FAT3: variants seen among roughly 807,000 people sequenced by gnomAD.
The protein encoded by FAT3 is FAT atypical cadherin 3.
FAT3 carries 95 observed loss-of-function variants against 310.2 expected under a neutral mutation model. The observed-to-expected ratio is 0.31, with a 90% CI of 0.26 to 0.36. The LOEUF (loss-of-function observed/expected upper bound fraction) is 0.36. Ranked by LOEUF, FAT3 falls within the 10% of genes least tolerant of loss-of-function variation. The pLI is 1.00. For missense variants in FAT3, 5,408 were observed against 5,715.6 expected (o/e 0.95, Z 1.74); for synonymous variants, 2,314 against 2,192.9 (o/e 1.06, Z -1.54).
chr11:92,422,299 C>G (rs1268842271), intron 2 of FAT3, among the ~76,000 whole-genome samples: 3 of 152,106 alleles, frequency 2.0e-5, no homozygotes, highest in African/African-American at 7.2e-5. Flanking sequence ...CTACTAGCCC[C>G]TGGATGTTTT....
At chr11:92,253,345 C>T (rs1260861107) in intron 1 of FAT3, among the ~76,000 whole-genome samples, 2 of 151,996 alleles carry the variant, frequency 1.3e-5, no homozygotes, top group African/African-American at 2.4e-5. Flanking sequence ...TTCCACTCTT[C>T]CATCTCTGGG....
intron 1 of FAT3, among the ~76,000 whole-genome samples, chr11:92,303,645 A>C (rs767121051): frequency 5.3e-4 from 80 of 152,174 alleles, no homozygotes; most frequent in Non-Finnish European, 9.3e-4. Flanking sequence ...ACTTAAGAGC[A>C]ATAAATGTAT....
intron 5 of FAT3, among the ~76,000 whole-genome samples, chr11:92,762,454 TA>T (rs1266364312): frequency 1.3e-5 from 2 of 152,166 alleles, no homozygotes; most frequent in Non-Finnish European, 2.9e-5. Flanking sequence ...TCTGCAGCCC[TA>T]AATCATCCTC....
chr11:92,278,046 C>T (rs1309002986), intron 1 of FAT3, among the ~76,000 whole-genome samples: 1 of 152,082 alleles, frequency 6.6e-6, no homozygotes, highest in Admixed American at 6.6e-5. Context: ...CACCACTGCA[C>T]TCCAGCCTGG....
At position 92,799,987 on chromosome 11, in the gene FAT3, A is replaced by T. The variant is rs1185902667; in HGVS notation, c.6974A>T (p.Gln2325Leu). Residue 2325 changes from glutamine (Q) to leucine (L), a missense_variant, in exon 10 of 28, where the codon CAG becomes CTG. By Grantham distance (113) the Gln-to-Leu change is moderately radical (BLOSUM62 -2). Coordinates refer to ENST00000525166, the MANE Select transcript of FAT3 (RefSeq NM_001367949.2). ...GAAAACAATAAAATGGTACATTATC[A>T]GATTGTCCAGGATACCTACAATAGC... Reference protein sequence around the residue: ...DSENNKMVHYQIVQDTYNSTD... With the variant: ...DSENNKMVHYLIVQDTYNSTD... 1 of 1,613,676 alleles carries T rather than the reference A, an allele frequency of 6.2e-7. No homozygotes were observed. The highest frequency in any genetic ancestry group is 2.2e-5 in the East Asian group (1 of 44,854).
intron 2 of FAT3, among the ~76,000 whole-genome samples, chr11:92,364,609 A>G (rs1670891074): frequency 6.6e-6 from 1 of 152,264 alleles, no homozygotes; most frequent in South Asian, 2.1e-4. Context: ...TGAAAATTAA[A>G]ATGGGCTGTA....
At chr11:92,502,318 GGACAGTGATA>G (rs1162413735) in intron 2 of FAT3, among the ~76,000 whole-genome samples, 1 of 152,030 alleles carries the variant, frequency 6.6e-6, no homozygotes, top group Non-Finnish European at 1.5e-5. Flanking sequence ...CAGTCTCTGA[GGACAGTGATA>G]GACAAGTGTG....
intron 7 of FAT3, among the ~76,000 whole-genome samples, chr11:92,776,362 C>G (rs1410184359): frequency 6.6e-6 from 1 of 152,150 alleles, no homozygotes; most frequent in Admixed American, 6.5e-5. Context: ...CAAAAATTAT[C>G]AATGATACTT....
At chr11:92,604,763 C>A (rs1940194934) in intron 3 of FAT3, among the ~76,000 whole-genome samples, 1 of 152,222 alleles carries the variant, frequency 6.6e-6, no homozygotes, top group Non-Finnish European at 1.5e-5. Flanking sequence ...CCCTTCCTGG[C>A]ATGGCACAGC....
chr11:92,787,125 C>G (rs1339834125), intron 7 of FAT3, among the ~76,000 whole-genome samples: 1 of 152,070 alleles, frequency 6.6e-6, no homozygotes, highest in African/African-American at 2.4e-5. Context: ...TAAATGTCCC[C>G]CGGAAGACAA....
intron 3 of FAT3, among the ~76,000 whole-genome samples, chr11:92,629,411 CTT>C (rs34017336): frequency 0.45 from 56,094 of 125,432 alleles, 8,399 homozygotes; most frequent in African/African-American, 0.59. Flanking sequence ...CTTCCCCTAC[CTT>C]TTTTTTTTTT....
chr11:92,645,440 T>TC (rs2135740342), intron 3 of FAT3, among the ~76,000 whole-genome samples: 1 of 151,818 alleles, frequency 6.6e-6, no homozygotes, highest in East Asian at 1.9e-4. Flanking sequence ...CCCCCTTTTT[T>TC]CCTAATAAAA....
chr11:92,386,021 G>A (rs1949610861), intron 2 of FAT3, among the ~76,000 whole-genome samples: 1 of 151,914 alleles, frequency 6.6e-6, no homozygotes, highest in Non-Finnish European at 1.5e-5. Context: ...GGTGGTATGT[G>A]CCTGTAGTCC....
intron 7 of FAT3, 95 bp from the exon 8 acceptor site, chr11:92,789,848 G>A (rs976808815): frequency 3.0e-6 from 4 of 1,314,986 alleles, no homozygotes; most frequent in Non-Finnish European, 4.2e-6. Flanking sequence ...AGGATCCAAG[G>A]ACGGGGAAGC....
intron 4 of FAT3, among the ~76,000 whole-genome samples, chr11:92,753,773 G>GGTGT (rs145467493): frequency 0.016 from 2,104 of 128,216 alleles, 128 homozygotes; most frequent in Non-Finnish European, 0.02. Flanking sequence ...AAGAAACTGT[G>GGTGT]GTGTGTGTGT....
chr11:92,743,502 A>T (rs1945566409), intron 4 of FAT3, among the ~76,000 whole-genome samples: 2 of 152,242 alleles, frequency 1.3e-5, no homozygotes, highest in Admixed American at 6.5e-5. Context: ...TTTAAGAAGT[A>T]GCACTTTAGG....
At chr11:92,317,418 A>G (rs1469847329) in intron 1 of FAT3, among the ~76,000 whole-genome samples, 1 of 152,202 alleles carries the variant, frequency 6.6e-6, no homozygotes, top group Non-Finnish European at 1.5e-5. Flanking sequence ...GATTGGCTAA[A>G]GTGCTGGCCA....
intron 3 of FAT3, among the ~76,000 whole-genome samples, chr11:92,639,784 A>T (rs1426651665): frequency 6.6e-6 from 1 of 152,188 alleles, no homozygotes; most frequent in Non-Finnish European, 1.5e-5. Context: ...GAGAATCACC[A>T]CTTAGCATTA....
intron 4 of FAT3, among the ~76,000 whole-genome samples, chr11:92,744,880 T>C (rs1945612806): frequency 6.6e-6 from 1 of 152,246 alleles, no homozygotes; most frequent in Non-Finnish European, 1.5e-5. Flanking sequence ...TTGATCTATT[T>C]AAAATTCATA....
Sources: gnomAD v4.1 joint callset for allele counts (sites outside exome capture counted in the v4.1 genomes callset) on GRCh38, gnomAD v4.1.1 for gene constraint, MANE v1.5 for transcripts, NCBI Gene and HGNC (gene_info 2026-07-23, HGNC 2026-07-21) for gene names.